FCHO1: variants seen among roughly 807,000 people sequenced by gnomAD.
FCHO1 encodes F-BAR domain only protein 1.
A neutral mutation model predicts 114.4 loss-of-function variants in FCHO1; 45 were observed. That is an observed-to-expected ratio of 0.39 (90% confidence interval 0.31 to 0.50). FCHO1 has a LOEUF of 0.50. FCHO1 is among the 20% of genes least tolerant of loss of function. FCHO1 has a pLI of 0.77. For synonymous variants in FCHO1, 480 were observed against 488.9 expected (o/e 0.98, Z 0.24); for missense variants, 1,042 against 1,209.6 (o/e 0.86, Z 2.06).
At chr19:17,763,634 T>A (rs2087419840) in intron 5 of FCHO1, among the ~76,000 whole-genome samples, 1 of 143,942 alleles carries the variant, frequency 6.9e-6, no homozygotes, top group Non-Finnish European at 1.5e-5. Flanking sequence ...CATAGCTCAC[T>A]GCAGCCTCGA....
rs1235321942 is a variant in FCHO1 at position 17,783,175 on chromosome 19, A to G, written c.2093+3A>G. On this transcript the variant is annotated splice_donor_region_variant and intron_variant, in intron 24 of 28. Transcript: ENST00000596536. ...CCCAACGCCGATCTGCTGTTCAGGTACTATGGAGGGGCAGTGGGAGAGGGC... is the reference window on the plus strand; with the variant it reads ...CCCAACGCCGATCTGCTGTTCAGGTGCTATGGAGGGGCAGTGGGAGAGGGC... 1 of 1,613,070 alleles carries G rather than the reference A, an allele frequency of 6.2e-7. No homozygotes were observed.
rs1455852227 is a variant in FCHO1 at position 17,770,568 on chromosome 19, G to A, written c.480G>A (p.Glu160=). ...RLRRESTSQK[E]MDKAETKTKK... ...GGAGGGAGAGTACCAGCCAGAAGGA[G>A]ATGGACAAGGTGGGCTCACAGTGGG... is the stretch of plus-strand genomic sequence containing the variant. Residue 160 remains glutamate, a synonymous_variant, in exon 8 of 29, where the codon GAG becomes GAA. Coordinates refer to ENST00000596536, the MANE Select transcript of FCHO1 (RefSeq NM_015122.3). 9.3e-6 allele frequency: 15 copies of A among 1,611,944 alleles called. No homozygotes were observed. Among genetic ancestry groups the A allele is most frequent in the Admixed American group, 1.7e-5 (1 of 59,834 alleles).
intron 28 of FCHO1, 45 bp from the exon 29 acceptor site, chr19:17,788,239 T>TTCCCCCCCCCCCC: frequency 1.0e-6 from 1 of 961,422 alleles, no homozygotes; most frequent in Non-Finnish European, 1.6e-6. Context: ...ACCCCTCCCG[T>TTCCCCCCCCCCCC]ACCCCTCCTC....
chr19:17,748,845 C>T (rs2081254212), upstream of FCHO1, among the ~76,000 whole-genome samples: 2 of 152,180 alleles, frequency 1.3e-5, no homozygotes, highest in Admixed American at 1.3e-4. Context: ...CTCACCCAGC[C>T]CACATTTTGT....
chr19:17,775,943 G>A lies in FCHO1; in HGVS notation c.1004-40G>A, dbSNP rs79702979. 0.055 allele frequency: 87,321 copies of A among 1,593,348 alleles called. 2,640 individuals carry two copies. Among genetic ancestry groups the A allele is most frequent in the South Asian group, 0.096 (8,672 of 90,136 alleles). On this transcript the variant is annotated intron_variant, in intron 15 of 28. Coordinates refer to ENST00000596536, the MANE Select transcript of FCHO1 (RefSeq NM_015122.3). This position sits in a 1 kb window ranked among gnomAD's most constrained non-coding sequence, Gnocchi z 5.1. ...GGATTGGAGAGCTGACTGGGGGAAAGCTTGTGTTGGGATTGGCTTGGACCT... is the reference window on the plus strand; with the variant it reads ...GGATTGGAGAGCTGACTGGGGGAAAACTTGTGTTGGGATTGGCTTGGACCT...
chr19:17,757,642 G>A (rs190772862), intron 4 of FCHO1, among the ~76,000 whole-genome samples: 15 of 152,276 alleles, frequency 9.9e-5, no homozygotes, highest in South Asian at 2.1e-4. Flanking sequence ...TAGGTGGAGC[G>A]TGGTAGCTCA....
At chr19:17,751,312 G>A (rs115726945), upstream of FCHO1, among the ~76,000 whole-genome samples, 289 of 152,266 alleles carry the variant, frequency 1.9e-3, 2 homozygotes, top group African/African-American at 5.9e-3. This position sits in a 1 kb window ranked among gnomAD's most constrained non-coding sequence, Gnocchi z 4.4. Flanking sequence ...AACAGCTCCA[G>A]GTTCAGGCCG....
chr19:17,755,664 A>C (rs2146313844), intron 4 of FCHO1: 2 of 145,264 alleles, frequency 1.4e-5, no homozygotes, highest in East Asian at 3.8e-4. Context: ...TGAGTGAGAC[A>C]GAGTTGTTTT....
rs1435656317 is a variant in FCHO1, at chr19:17,770,823, G to C, written c.521G>C (p.Ser174Thr). Residue 174 changes from serine (S) to threonine (T), a missense_variant, in exon 9 of 29, where the codon AGC becomes ACC. This residue lies in a region of FCHO1 where 450 missense variants were observed against 564.1 expected (regional missense o/e 0.80). Coordinates refer to ENST00000596536, the MANE Select transcript of FCHO1 (RefSeq NM_015122.3). ...ACTAAAACCAAGAAGGCGGCAGAGA[G>C]CCTGCGGCGCTCAGTGGAAAAATAC... ...AETKTKKAAE[S>T]LRRSVEKYNS... 1.2e-6 allele frequency: 2 copies of C among 1,614,060 alleles called. No individual in the cohort carries two copies. Among genetic ancestry groups the C allele is most frequent in the Non-Finnish European group, 1.7e-6 (2 of 1,180,062 alleles).
upstream of FCHO1, among the ~76,000 whole-genome samples, chr19:17,749,331 T>G (rs2081360054): frequency 6.6e-6 from 1 of 152,126 alleles, no homozygotes; most frequent in Non-Finnish European, 1.5e-5. Flanking sequence ...TTCTGTGAAA[T>G]GGGCTGAATT....
At position 17,766,610 on chromosome 19, in the gene FCHO1, C is replaced by T. The variant is rs903826201; in HGVS notation, c.195-59C>T. On this transcript the variant is annotated intron_variant, in intron 6 of 28. Transcript: ENST00000596536. ...CAGCACATACCTGAGCCAGTGCCAG[C>T]GCTGTCCCGGGGTGGGGTGAGCCTG... 1.6e-4 allele frequency: 253 copies of T among 1,606,260 alleles called. No individual in the cohort carries two copies. The African/African-American group carries it at 2.9e-3, about 19-fold the overall frequency.
intron 27 of FCHO1, among the ~76,000 whole-genome samples, chr19:17,787,069 T>G (rs909333011): frequency 6.7e-6 from 1 of 149,800 alleles, no homozygotes; most frequent in African/African-American, 2.5e-5. Flanking sequence ...ACTAAAAATA[T>G]AAAAATTAGC....
rs1232692312 is a variant in FCHO1 at position 17,770,896 on chromosome 19, G to A, written c.594G>A (p.Leu198=). Reference sequence around the variant, plus strand: ...AGCAGAAGATGCTGGACTCAGCCCTGGTAAGAACCAGGCATCTGTACCTTT... The same window carrying A: ...AGCAGAAGATGCTGGACTCAGCCCTAGTAAGAACCAGGCATCTGTACCTTT... ...DFEQKMLDSA[L]RFQAMEETHL... The change falls in exon 9 of 29, where the codon CTG becomes CTA. Residue 198 remains leucine (L), a splice_region_variant and synonymous_variant. Coordinates refer to ENST00000596536, the MANE Select transcript of FCHO1 (RefSeq NM_015122.3). 6.2e-7 allele frequency: 1 copy of A among 1,613,324 alleles called. No individual in the cohort carries two copies. The highest frequency in any genetic ancestry group is 1.3e-5 in the African/African-American group (1 of 74,910).
chr19:17,750,278 C>T (rs534578847), upstream of FCHO1, among the ~76,000 whole-genome samples: 10 of 152,040 alleles, frequency 6.6e-5, no homozygotes, highest in Non-Finnish European at 1.5e-4. Flanking sequence ...GCTGACTTCT[C>T]CATCAGACCC....
intron 4 of FCHO1, among the ~76,000 whole-genome samples, chr19:17,762,293 C>CCT (rs553229118): frequency 6.8e-6 from 1 of 146,780 alleles, no homozygotes; most frequent in Non-Finnish European, 1.5e-5. Flanking sequence ...GCTCAACACA[C>CCT]TTTTTTTTTT....
chr19:17,777,382 C>T (rs2092762145), intron 18 of FCHO1, among the ~76,000 whole-genome samples: 1 of 151,750 alleles, frequency 6.6e-6, no homozygotes, highest in African/African-American at 2.4e-5. Context: ...ACTAAAAATA[C>T]AGCATTAGCC....
At chr19:17,766,330 G>T (rs2089150273) in intron 6 of FCHO1, among the ~76,000 whole-genome samples, 1 of 151,794 alleles carries the variant, frequency 6.6e-6, no homozygotes, top group Non-Finnish European at 1.5e-5. Context: ...ACAGACGGGG[G>T]TTTCACCATG....
In FCHO1 at chr19:17,776,741, T is replaced by C. The variant is rs1221035995; in HGVS notation, c.1259+55T>C. The C allele has an allele frequency of 2.0e-6, 3 of 1,496,896 alleles. No homozygotes were observed. The East Asian group carries it at 6.8e-5, about 34-fold the overall frequency. 92.7% of individuals were successfully genotyped at this position (1,496,896 alleles called of 1,614,324 possible). A position where few individuals can be genotyped will look rare whatever the true frequency, so the allele number is the denominator to read the frequency against. Reference sequence around the variant, plus strand: ...GCTGTCCCCACCTCCTCCCTCCACCTCCCCATGTCTCCGCCTGGTGTTCTC... The same window carrying C: ...GCTGTCCCCACCTCCTCCCTCCACCCCCCCATGTCTCCGCCTGGTGTTCTC... On this transcript the variant is annotated intron_variant, in intron 18 of 28. Coordinates refer to ENST00000596536, the MANE Select transcript of FCHO1 (RefSeq NM_015122.3). This position sits in a 1 kb window ranked among gnomAD's most constrained non-coding sequence, Gnocchi z 4.4.
intron 28 of FCHO1, 48 bp downstream of exon 28, chr19:17,787,894 C>T (rs898459836): frequency 1.9e-6 from 3 of 1,583,436 alleles, no homozygotes; most frequent in South Asian, 1.2e-5. Context: ...CGAGATCTTA[C>T]AGGGGCAAGC....
Sources: allele counts gnomAD v4.1 joint callset (sites outside exome capture counted in the v4.1 genomes callset), GRCh38; gene constraint gnomAD v4.1.1; regional missense constraint gnomAD v4.1.1; non-coding constraint Gnocchi (gnomAD v3.1); transcripts MANE v1.5; gene names NCBI Gene and HGNC (gene_info 2026-07-23, HGNC 2026-07-21).